The following ZYG11A variants were observed in gnomAD, a reference collection of about 807,000 sequenced individuals.
The protein encoded by ZYG11A is zyg-11 family member A, cell cycle regulator.
In ZYG11A, 62 loss-of-function variants were observed where a neutral mutation model predicts 77.2. The ratio of observed to expected loss-of-function variants is 0.80; its 90% CI spans 0.65 to 0.99. The LOEUF is 0.99. ZYG11A is among the 50% of genes least tolerant of loss of function. The pLI is 0.00. For synonymous variants in ZYG11A, 315 were observed against 324.6 expected (o/e 0.97, Z 0.32); for missense variants, 828 against 896.8 (o/e 0.92, Z 0.98).
chr1:52,883,983 G>A (rs576472611), intron 11 of ZYG11A, among the ~76,000 whole-genome samples: 8 of 149,722 alleles, frequency 5.3e-5, no homozygotes, highest in African/African-American at 2.0e-4. Context: ...GGGTTCAAGT[G>A]ATCCCTCCGC....
chr1:52,890,952 G>A (rs1646533834), intron 13 of ZYG11A, among the ~76,000 whole-genome samples: 1 of 151,814 alleles, frequency 6.6e-6, no homozygotes, highest in Non-Finnish European at 1.5e-5. Context: ...AGGCTGGAGT[G>A]CAGTGGCATG....
chr1:52,857,601 T>C lies in ZYG11A; in HGVS notation c.860T>C (p.Val287Ala), dbSNP rs1158590742. The change falls in exon 3 of 14, where the codon GTT (valine) becomes GCT (alanine). Residue 287 changes from valine (V) to alanine (A), a missense_variant. Coordinates refer to ENST00000371528, the MANE Select transcript of ZYG11A (RefSeq NM_001004339.3). The stretch of plus-strand genomic sequence containing the variant: ...CAGCAGAAGGATATCCTGCCCAATG[T>C]TGTGTCATTGGATATTTCTGGGGGC... ...LLQQKDILPNVVSLDISGGNC... is the reference protein window; with the variant it reads ...LLQQKDILPNAVSLDISGGNC... The C allele has an allele frequency of 4.5e-6, 7 of 1,551,864 alleles. No homozygotes were observed. In the Admixed American group the frequency reaches 1.2e-4, roughly 26 times the overall value.
intron 8 of ZYG11A, among the ~76,000 whole-genome samples, chr1:52,872,883 A>C (rs1571867062): frequency 2.1e-5 from 2 of 95,560 alleles, no homozygotes; most frequent in Admixed American, 2.1e-4. Context: ...ACTCTGTCTC[A>C]AAAAAAAAAA....
intron 8 of ZYG11A, among the ~76,000 whole-genome samples, chr1:52,869,513 T>C (rs1327418879): frequency 6.6e-6 from 1 of 151,816 alleles, no homozygotes; most frequent in Admixed American, 6.6e-5. Flanking sequence ...TTAATCCATT[T>C]AACCCTGAGT....
At chr1:52,879,666 C>G (rs1291744170) in intron 10 of ZYG11A, among the ~76,000 whole-genome samples, 2 of 152,124 alleles carry the variant, frequency 1.3e-5, no homozygotes, top group East Asian at 3.9e-4. Flanking sequence ...GGAAATAATG[C>G]CAGAAAGTTG....
At chr1:52,876,196 T>C (rs1646258414) in intron 8 of ZYG11A, among the ~76,000 whole-genome samples, 1 of 152,196 alleles carries the variant, frequency 6.6e-6, no homozygotes, top group Admixed American at 6.5e-5. Context: ...AAAGTAGTAT[T>C]GACAAATACG....
chr1:52,894,857 T>G lies in ZYG11A; in HGVS notation c.*1900T>G, dbSNP rs1191017003. 6.6e-6 allele frequency: 1 copy of G among 152,228 alleles called. No individual in the cohort carries two copies. Among genetic ancestry groups the G allele is most frequent in the Non-Finnish European group, 1.5e-5 (1 of 68,048 alleles). The allele number at this position is 152,228 out of a possible 1,614,324, so 9.4% of individuals were successfully genotyped here. ...CAGAGCATTGTTATCAGATGCTAGC[T>G]TATTCTAATGTGAGGATGTGTTAGG... is the stretch of plus-strand genomic sequence containing the variant. On this transcript the variant is annotated 3_prime_UTR_variant, in exon 14 of 14. Transcript: ENST00000371528.
chr1:52,887,104 T>C, intron 13 of ZYG11A, 51 bp downstream of exon 13: 2 of 1,077,442 alleles, frequency 1.9e-6, no homozygotes, highest in Non-Finnish European at 2.6e-6. Flanking sequence ...GCTATTTTTC[T>C]GTGTAATGAT....
chr1:52,879,330 T>C (rs1216897958), intron 10 of ZYG11A, among the ~76,000 whole-genome samples: 1 of 152,196 alleles, frequency 6.6e-6, no homozygotes, highest in Non-Finnish European at 1.5e-5. Flanking sequence ...AACTGACAAG[T>C]GAGTGCTGCA....
intron 8 of ZYG11A, among the ~76,000 whole-genome samples, chr1:52,870,206 TCGTCACTTCCTAGATGGGATGGC>T (rs1646129364): frequency 1.6e-5 from 1 of 63,786 alleles, no homozygotes; most frequent in Non-Finnish European, 6.3e-5. Flanking sequence ...GAAGAGACGC[TCGTCACTTCCTAGATGGGATGGC>T]GGCCGGGCAG....
At chr1:52,858,578 T>C (rs1645862865) in intron 3 of ZYG11A, among the ~76,000 whole-genome samples, 1 of 151,480 alleles carries the variant, frequency 6.6e-6, no homozygotes, top group Non-Finnish European at 1.5e-5. Context: ...GTGCTGGGAT[T>C]ATAGGCATGA....
chr1:52,891,352 G>A (rs1646540050), intron 13 of ZYG11A, among the ~76,000 whole-genome samples: 1 of 151,516 alleles, frequency 6.6e-6, no homozygotes, highest in Non-Finnish European at 1.5e-5. Flanking sequence ...CTTATTATGT[G>A]TGTTATGTTG....
chr1:52,871,829 T>C (rs1646172898), intron 8 of ZYG11A, among the ~76,000 whole-genome samples: 1 of 152,208 alleles, frequency 6.6e-6, no homozygotes, highest in Admixed American at 6.5e-5. Context: ...CCATTTTCTT[T>C]GGGATTGTAT....
At chr1:52,873,412 C>T (rs545737969) in intron 8 of ZYG11A, among the ~76,000 whole-genome samples, 2 of 152,092 alleles carry the variant, frequency 1.3e-5, no homozygotes, top group East Asian at 1.9e-4. Flanking sequence ...TGGATAACTT[C>T]GAGGGGTCCA....
chr1:52,877,131 C>T (rs992437982), intron 8 of ZYG11A, among the ~76,000 whole-genome samples: 3 of 152,088 alleles, frequency 2.0e-5, no homozygotes, highest in African/African-American at 4.8e-5. Context: ...CCCTCTCCCC[C>T]CAGCCCCGTT....
At chr1:52,873,184 C>T (rs1292954528) in intron 8 of ZYG11A, among the ~76,000 whole-genome samples, 1 of 152,066 alleles carries the variant, frequency 6.6e-6, no homozygotes, top group African/African-American at 2.4e-5. Context: ...TGGTGGCATG[C>T]ATTTGTACTC....
At chr1:52,873,678 T>C (rs904737112) in intron 8 of ZYG11A, among the ~76,000 whole-genome samples, 6 of 152,150 alleles carry the variant, frequency 3.9e-5, no homozygotes, top group African/African-American at 1.4e-4. Flanking sequence ...TTGAAAGGAT[T>C]GACTCCAAAT....
Position 52,842,838 on chromosome 1 carries a change from G to A in ZYG11A, c.-46G>A, listed in dbSNP as rs564112606. 2 of 1,515,050 alleles carry A rather than the reference G, an allele frequency of 1.3e-6. No homozygotes were observed. Among genetic ancestry groups the A allele is most frequent in the African/African-American group, 2.9e-5 (2 of 69,718 alleles). 93.9% of individuals were successfully genotyped at this position (1,515,050 alleles called of 1,614,324 possible). A position where few individuals can be genotyped will look rare whatever the true frequency, so the allele number is the denominator to read the frequency against. ...TTGGTTCTCGCGGGATCCGGGCTCC[G>A]GCTCGACGCCGGCTCTCTTTTTGAC... is the stretch of plus-strand genomic sequence containing the variant. On this transcript the variant is annotated 5_prime_UTR_variant, in exon 1 of 14. Transcript: ENST00000371528.
intron 3 of ZYG11A, 99 bp from the exon 4 acceptor site, chr1:52,860,632 T>C (rs1331575376): frequency 2.3e-6 from 3 of 1,277,990 alleles, no homozygotes; most frequent in Admixed American, 2.4e-5. Flanking sequence ...TTTGTTGTTA[T>C]TGTCTTAAAC....
Sources: gnomAD v4.1 joint callset for allele counts (sites outside exome capture counted in the v4.1 genomes callset) on GRCh38, gnomAD v4.1.1 for gene constraint, MANE v1.5 for transcripts, NCBI Gene and HGNC (gene_info 2026-07-23, HGNC 2026-07-21) for gene names.